SRGAP1: variants seen among roughly 807,000 people sequenced by gnomAD.
SRGAP1 encodes SLIT-ROBO Rho GTPase-activating protein 1.
SRGAP1 carries 43 observed loss-of-function variants against 121.9 expected under a neutral mutation model. That is an observed-to-expected ratio of 0.35 (90% CI 0.28 to 0.46). The LOEUF (loss-of-function observed/expected upper bound fraction) is 0.46. SRGAP1 is among the 20% of genes least tolerant of loss of function. The pLI, the probability that SRGAP1 is intolerant of heterozygous loss-of-function variation, is 1.00. For synonymous variants in SRGAP1, 447 were observed against 485.4 expected (o/e 0.92, Z 1.04); for missense variants, 1,102 against 1,350.9 (o/e 0.82, Z 2.89).
chr12:63,979,569 T>C (rs1267730465), intron 1 of SRGAP1, among the ~76,000 whole-genome samples: 1 of 152,152 alleles, frequency 6.6e-6, no homozygotes, highest in Non-Finnish European at 1.5e-5. Context: ...TGCTCCTCTT[T>C]CCATAGCTTC....
intron 4 of SRGAP1, among the ~76,000 whole-genome samples, chr12:64,030,053 G>A (rs2034740936): frequency 6.6e-6 from 1 of 152,126 alleles, no homozygotes; most frequent in South Asian, 2.1e-4. Flanking sequence ...AGAATTTATT[G>A]GATAAAATAG....
rs2035053805 is a variant in SRGAP1, at chr12:64,042,934, C to T, written c.634C>T (p.Arg212Ter). ...TCGACTAGAGGAGAGACATCAACGG[C>T]GAAGCTCTGTAAAGAAAATTGAAAA... Reference protein sequence around the residue: ...HIRLEERHQRRSSVKKIEKMK... With the variant: ...HIRLEERHQR Residue 212 changes from arginine to a stop codon, truncating the protein, a stop_gained, in exon 5 of 22, where the codon CGA (arginine) becomes TGA (stop). Transcript: ENST00000355086. LOFTEE classifies it high-confidence loss of function. The T allele has an allele frequency of 1.9e-6, 3 of 1,613,358 alleles. No individual in the cohort carries two copies. Among genetic ancestry groups the T allele is most frequent in the Non-Finnish European group, 2.5e-6 (3 of 1,179,738 alleles).
chr12:64,131,215 C>T (rs960013847), intron 21 of SRGAP1, among the ~76,000 whole-genome samples: 3 of 152,190 alleles, frequency 2.0e-5, no homozygotes, highest in African/African-American at 7.2e-5. Context: ...TGAGGTCACC[C>T]GTTGGTGAGT....
intron 18 of SRGAP1, among the ~76,000 whole-genome samples, chr12:64,124,076 G>A (rs1592343785): frequency 6.6e-6 from 1 of 152,042 alleles, no homozygotes; most frequent in African/African-American, 2.4e-5. Context: ...ATTATCCAAA[G>A]CAAAAAGAAG....
At chr12:64,042,164 C>T (rs142497120) in intron 4 of SRGAP1, among the ~76,000 whole-genome samples, 2,302 of 151,854 alleles carry the variant, frequency 0.015, 53 homozygotes, top group African/African-American at 0.052. Flanking sequence ...CCCAAAGTGC[C>T]GGGATTACAG....
At chr12:63,968,836 G>T (rs2032854958) in intron 1 of SRGAP1, among the ~76,000 whole-genome samples, 1 of 152,222 alleles carries the variant, frequency 6.6e-6, no homozygotes, top group African/African-American at 2.4e-5. Context: ...CCTGCAGACT[G>T]CTCGCTTGCC....
intron 3 of SRGAP1, among the ~76,000 whole-genome samples, chr12:64,000,210 G>T (rs929310444): frequency 6.7e-6 from 1 of 149,034 alleles, no homozygotes; most frequent in African/African-American, 2.5e-5. Flanking sequence ...GGAAGTATTT[G>T]AAGAAGAACA....
chr12:64,048,034 TGTA>T (rs1461287543), intron 6 of SRGAP1, among the ~76,000 whole-genome samples: 1 of 152,182 alleles, frequency 6.6e-6, no homozygotes, highest in Non-Finnish European at 1.5e-5. Flanking sequence ...CAAATTACTG[TGTA>T]GTAATTACTG....
intron 1 of SRGAP1, among the ~76,000 whole-genome samples, chr12:63,902,098 C>A (rs1044287647): frequency 6.6e-6 from 1 of 152,100 alleles, no homozygotes; most frequent in African/African-American, 2.4e-5. Context: ...GCGGATCGCT[C>A]GAGCTCAGGA....
chr12:64,090,399 C>CA (rs570599984), intron 11 of SRGAP1, among the ~76,000 whole-genome samples: 240 of 152,320 alleles, frequency 1.6e-3, no homozygotes, highest in African/African-American at 5.7e-3. Context: ...GAAATAATAA[C>CA]TCATGCGAGC....
intron 1 of SRGAP1, among the ~76,000 whole-genome samples, chr12:63,933,582 C>T (rs1237025937): frequency 8.5e-5 from 13 of 152,130 alleles, no homozygotes; most frequent in Non-Finnish European, 1.9e-4. Flanking sequence ...AACATCATAT[C>T]TAATAAATGC....
At chr12:64,073,158 C>A (rs1249401136) in intron 8 of SRGAP1, among the ~76,000 whole-genome samples, 1 of 152,026 alleles carries the variant, frequency 6.6e-6, no homozygotes, top group Non-Finnish European at 1.5e-5. Flanking sequence ...CTGTCTGTTG[C>A]GAGCATCCCA....
intron 4 of SRGAP1, among the ~76,000 whole-genome samples, chr12:64,018,526 A>G (rs2034467394): frequency 6.6e-6 from 1 of 152,206 alleles, no homozygotes; most frequent in African/African-American, 2.4e-5. Context: ...CTCCTTTGAT[A>G]CTTACTAATT....
intron 17 of SRGAP1, among the ~76,000 whole-genome samples, chr12:64,114,331 CTTTTTTTTTTTTTT>C (rs957049187): frequency 5.7e-4 from 51 of 89,252 alleles, no homozygotes; most frequent in Non-Finnish European, 1.1e-3. Context: ...ATATGGTTAG[CTTTTTTTTTTTTTT>C]TTTTTTTTTT....
intron 1 of SRGAP1, among the ~76,000 whole-genome samples, chr12:63,883,026 C>A (rs1458052896): frequency 5.9e-5 from 9 of 152,236 alleles, no homozygotes; most frequent in African/African-American, 2.2e-4. Context: ...TCTGGTTCAT[C>A]ATGTGATTGC....
chr12:63,938,486 T>A (rs1224380879), intron 1 of SRGAP1, among the ~76,000 whole-genome samples: 1 of 152,128 alleles, frequency 6.6e-6, no homozygotes, highest in East Asian at 1.9e-4. Flanking sequence ...ACCCCTTACC[T>A]TAGCCCAAGC....
rs1898961593 is a variant in SRGAP1, at chr12:63,848,082, T to C, written c.67+3199T>C. On this transcript the variant is annotated intron_variant, in intron 1 of 21. Coordinates refer to ENST00000355086, the MANE Select transcript of SRGAP1 (RefSeq NM_020762.4). ...GTGCAGTGGCGTGGTCTCGGCTCAG[T>C]GCAACCTCCACCTCCTGGGTTCAAG... Among the ~76,000 whole-genome samples the C allele has an allele frequency of 2.0e-5, 3 of 151,986 alleles. No individual in the cohort carries two copies. The South Asian group carries it at 6.2e-4, about 32-fold the overall frequency.
At chr12:64,100,855 C>T (rs745525551) in intron 15 of SRGAP1, among the ~76,000 whole-genome samples, 1 of 152,052 alleles carries the variant, frequency 6.6e-6, no homozygotes, top group Non-Finnish European at 1.5e-5. Flanking sequence ...CCTGGATTTT[C>T]AATAAATCCT....
At chr12:63,916,032 C>CTTTTTTTT (rs140042368) in intron 1 of SRGAP1, among the ~76,000 whole-genome samples, 6 of 125,196 alleles carry the variant, frequency 4.8e-5, no homozygotes, top group African/African-American at 9.1e-5. Flanking sequence ...CTTTTCTTTT[C>CTTTTTTTT]TTTTTTTTTT....
Sources: gnomAD v4.1 joint callset for allele counts (sites outside exome capture counted in the v4.1 genomes callset) on GRCh38, gnomAD v4.1.1 for gene constraint, MANE v1.5 for transcripts, NCBI Gene and HGNC (gene_info 2026-07-23, HGNC 2026-07-21) for gene names.